Variants in KAZN observed in about 807,000 individuals in gnomAD.
KAZN encodes the protein kazrin, periplakin interacting protein.
KAZN carries 40 observed loss-of-function variants against 87.4 expected under a neutral mutation model. That is an observed-to-expected ratio of 0.46 (90% CI 0.36 to 0.60). The LOEUF (loss-of-function observed/expected upper bound fraction) is 0.60, where lower values mean the gene tolerates loss of function less well. Among genes scored for constraint, KAZN ranks in the 20% least tolerant of loss-of-function variants. The pLI is 0.00. For missense variants in KAZN, 898 were observed against 1,073.9 expected, an observed-to-expected ratio of 0.84 and a Z score of 2.29; for synonymous variants, 466 against 458.3, an observed-to-expected ratio of 1.02 and a Z score of -0.22.
At chr1:14,722,253 GT>G (rs1364400478) in intron 1 of KAZN, among the ~76,000 whole-genome samples, 1 of 152,130 alleles carries the variant, frequency 6.6e-6, no homozygotes, top group Non-Finnish European at 1.5e-5. Flanking sequence ...TTCCATGTGC[GT>G]TTTAGTATGT....
At position 14,735,344 on chromosome 1, in the gene KAZN, G is replaced by A. The variant is rs146108501; in HGVS notation, c.226+136121G>A. The stretch of plus-strand genomic sequence containing the variant: ...CAAAGTGCTGGGATTACAGGCGTGA[G>A]CCACCGCGCCCGGCCCGTGCTGTTG... On this transcript the variant is annotated intron_variant, in intron 1 of 14. Coordinates refer to ENST00000376030, the MANE Select transcript of KAZN (RefSeq NM_201628.3). The surrounding 1 kb of genome is among the most constrained non-coding windows in gnomAD (Gnocchi z 4.3). 6.5e-4 allele frequency among the ~76,000 whole-genome samples: 99 copies of A among 152,344 alleles called. No homozygotes were observed. Among genetic ancestry groups the A allele is most frequent in the Middle Eastern group, 3.4e-3 (1 of 294 alleles).
At chr1:14,414,727 C>G (rs1455471588) in intron 2 of KAZN, among the ~76,000 whole-genome samples, 1 of 151,944 alleles carries the variant, frequency 6.6e-6, no homozygotes, top group Non-Finnish European at 1.5e-5. Context: ...AGAATAAGAT[C>G]AAGAAGGAAC....
At chr1:14,018,787 C>G (rs1347816634) in intron 1 of KAZN, among the ~76,000 whole-genome samples, 1 of 152,198 alleles carries the variant, frequency 6.6e-6, no homozygotes, top group Non-Finnish European at 1.5e-5. Flanking sequence ...GACTGCAGGA[C>G]TTACACCATG....
chr1:14,822,891 C>T (rs1646776438), intron 1 of KAZN, among the ~76,000 whole-genome samples: 1 of 152,182 alleles, frequency 6.6e-6, no homozygotes, highest in Admixed American at 6.5e-5. Context: ...AGGAGCCCTC[C>T]AGAAGCTCCT....
intron 1 of KAZN, among the ~76,000 whole-genome samples, chr1:14,776,188 G>C (rs1382760999): frequency 6.6e-6 from 1 of 152,126 alleles, no homozygotes; most frequent in Admixed American, 6.6e-5. Context: ...ATTTTTAGTA[G>C]AGACAGGGTT....
intron 2 of KAZN, among the ~76,000 whole-genome samples, chr1:14,313,349 C>T (rs1655436628): frequency 6.6e-6 from 1 of 152,130 alleles, no homozygotes; most frequent in African/African-American, 2.4e-5. Flanking sequence ...TGGAGCCTGC[C>T]TTCTTTATCA....
At chr1:14,044,775 A>G (rs1382143358) in intron 1 of KAZN, among the ~76,000 whole-genome samples, 1 of 152,016 alleles carries the variant, frequency 6.6e-6, no homozygotes, top group East Asian at 1.9e-4. Flanking sequence ...ATTCTTTGCA[A>G]CTCCTCCTGC....
At chr1:14,984,501 G>A (rs1260480384) in intron 2 of KAZN, among the ~76,000 whole-genome samples, 1 of 152,200 alleles carries the variant, frequency 6.6e-6, no homozygotes, top group Non-Finnish European at 1.5e-5. Context: ...GATTGGAGTT[G>A]GGGCCATCAT....
chr1:13,927,584 G>A (rs1324004643), intron 1 of KAZN, among the ~76,000 whole-genome samples: 6 of 152,046 alleles, frequency 3.9e-5, no homozygotes, highest in Admixed American at 6.6e-5. Context: ...AATCCCAATG[G>A]TACTGTTGCA....
At chr1:14,468,442 A>G (rs1471896233) in intron 2 of KAZN, among the ~76,000 whole-genome samples, 2 of 152,164 alleles carry the variant, frequency 1.3e-5, no homozygotes, top group Admixed American at 6.5e-5. Flanking sequence ...GAGGAGACTG[A>G]GGCACAGGAA....
chr1:14,274,734 T>G (rs1478275001), intron 2 of KAZN, among the ~76,000 whole-genome samples: 1 of 152,194 alleles, frequency 6.6e-6, no homozygotes, highest in Non-Finnish European at 1.5e-5. Flanking sequence ...TCACTCCTCG[T>G]TTTGTTCTTC....
chr1:14,963,589 T>C (rs1664130624), intron 2 of KAZN, among the ~76,000 whole-genome samples: 1 of 152,224 alleles, frequency 6.6e-6, no homozygotes, highest in African/African-American at 2.4e-5. Flanking sequence ...ATTTATTGGC[T>C]ATGTGAGCTT....
At chr1:14,981,352 T>C (rs925860186) in intron 2 of KAZN, among the ~76,000 whole-genome samples, 1 of 152,244 alleles carries the variant, frequency 6.6e-6, no homozygotes, top group Non-Finnish European at 1.5e-5. Context: ...CATAGACCAG[T>C]CTTGTGTGTT....
At chr1:14,501,153 T>C (rs970520205) in intron 2 of KAZN, among the ~76,000 whole-genome samples, 1 of 151,218 alleles carries the variant, frequency 6.6e-6, no homozygotes, top group Non-Finnish European at 1.5e-5. Flanking sequence ...AAGCCCACAA[T>C]TAACATGATA....
intron 2 of KAZN, among the ~76,000 whole-genome samples, chr1:14,581,628 C>T (rs917385589): frequency 1.3e-5 from 2 of 152,180 alleles, no homozygotes; most frequent in Non-Finnish European, 2.9e-5. Context: ...CCTACAAGAC[C>T]TCACAGTCCC....
rs1247491669 is a variant in KAZN at position 14,635,442 on chromosome 1, A to G, written c.226+36219A>G. On this transcript the variant is annotated intron_variant, in intron 1 of 14. Coordinates refer to ENST00000376030, the MANE Select transcript of KAZN (RefSeq NM_201628.3). ...GCACGGGATAGTCCCCTCATACCCTATGAGAGGTGCAGGGAGGTCCCTGTC... is the reference window on the plus strand; with the variant it reads ...GCACGGGATAGTCCCCTCATACCCTGTGAGAGGTGCAGGGAGGTCCCTGTC... Among the ~76,000 whole-genome samples, 7 of 152,290 alleles carry G rather than the reference A, an allele frequency of 4.6e-5. No homozygotes were observed. The East Asian group carries it at 9.7e-4, about 21-fold the overall frequency.
chr1:14,911,448 C>G (rs1657235707), intron 1 of KAZN, among the ~76,000 whole-genome samples: 1 of 152,216 alleles, frequency 6.6e-6, no homozygotes, highest in Admixed American at 6.6e-5. Context: ...TTAGACTGAC[C>G]TGGGCAGGGA....
chr1:14,362,795 C>G (rs769179341), intron 2 of KAZN, among the ~76,000 whole-genome samples: 12 of 152,196 alleles, frequency 7.9e-5, no homozygotes, highest in Non-Finnish European at 1.6e-4. Context: ...ATCTAGGATT[C>G]AAACTCAGAC....
chr1:14,058,348 TA>T (rs1344063571), intron 1 of KAZN, among the ~76,000 whole-genome samples: 3 of 152,122 alleles, frequency 2.0e-5, no homozygotes, highest in Admixed American at 6.5e-5. Context: ...CTTAAGTCTT[TA>T]AAAAAACAAA....
Sources: allele counts gnomAD v4.1 joint callset (sites outside exome capture counted in the v4.1 genomes callset), GRCh38; gene constraint gnomAD v4.1.1; non-coding constraint Gnocchi (gnomAD v3.1); transcripts MANE v1.5; gene names NCBI Gene and HGNC (gene_info 2026-07-23, HGNC 2026-07-21).